The following RPS6KA2 variants were observed in gnomAD, a reference collection of about 807,000 sequenced individuals.
RPS6KA2 encodes the protein ribosomal protein S6 kinase A2.
RPS6KA2 carries 42 observed loss-of-function variants against 91.8 expected under a neutral mutation model. The ratio of observed to expected loss-of-function variants is 0.46; its 90% CI spans 0.36 to 0.59. The LOEUF (loss-of-function observed/expected upper bound fraction) is 0.59. Ranked by LOEUF, RPS6KA2 falls within the 20% of genes least tolerant of loss-of-function variation. The pLI is 0.00. For synonymous variants in RPS6KA2, 414 were observed against 393.6 expected (o/e 1.05, Z -0.61); for missense variants, 798 against 978.5 (o/e 0.82, Z 2.46).
intron 11 of RPS6KA2, among the ~76,000 whole-genome samples, chr6:166,465,154 T>C (rs1256089647): frequency 6.6e-6 from 1 of 152,176 alleles, no homozygotes; most frequent in African/African-American, 2.4e-5. Context: ...GGAAATGTCT[T>C]CTCATTCGTC....
In RPS6KA2 at chr6:166,423,138, G is replaced by A; in HGVS notation, c.1743+118C>T. ...CTCGTTTCTGTTTCCCAACACCACT[G>A]CTGACGCAGCTCAAGCCGCCTCTGA... On this transcript the variant is annotated intron_variant, in intron 17 of 20. Transcript: ENST00000265678. The surrounding 1 kb of genome is among the most constrained non-coding windows in gnomAD (Gnocchi z 4.8). 1 of 1,038,074 alleles carries A rather than the reference G, an allele frequency of 9.6e-7. No individual in the cohort carries two copies. The highest frequency in any genetic ancestry group is 1.4e-6 in the Non-Finnish European group (1 of 725,160). The allele number at this position is 1,038,074 out of a possible 1,614,324, so 64.3% of individuals were successfully genotyped here.
intron 2 of RPS6KA2, among the ~76,000 whole-genome samples, chr6:166,840,844 TC>T (rs1186258573): frequency 4.6e-5 from 7 of 151,852 alleles, no homozygotes; most frequent in African/African-American, 1.7e-4. Flanking sequence ...ATGCCTGTAG[TC>T]CCAGCTACTC....
chr6:166,510,404 T>A (rs770882535), intron 3 of RPS6KA2, 47 bp from the exon 4 acceptor site: 15 of 1,282,228 alleles, frequency 1.2e-5, no homozygotes, highest in Non-Finnish European at 1.5e-5. Context: ...GAAATAAGAG[T>A]TCTGAGGAAC....
chr6:166,723,188 C>T (rs1015736543), intron 2 of RPS6KA2, among the ~76,000 whole-genome samples: 6 of 152,228 alleles, frequency 3.9e-5, no homozygotes, highest in African/African-American at 1.2e-4. Flanking sequence ...GCCCCTGCCT[C>T]GAACGTTTCC....
chr6:166,510,562 TATATATATATATATATATATATATATATA>T (rs1483880124), intron 3 of RPS6KA2, among the ~76,000 whole-genome samples: 1 of 12,614 alleles, frequency 7.9e-5, no homozygotes, highest in Non-Finnish European at 1.8e-4. Flanking sequence ...CTCATATATA[TATATATATATATATATATATATATATATA>T]TATATATATA....
chr6:166,627,014 G>A lies in RPS6KA2; in HGVS notation c.6C>T (p.Asp2=). 1 of 1,509,242 alleles carries A rather than the reference G, an allele frequency of 6.6e-7. No homozygotes were observed. The highest frequency in any genetic ancestry group is 1.4e-5 in the African/African-American group (1 of 69,840). 93.5% of individuals were successfully genotyped at this position (1,509,242 alleles called of 1,614,324 possible). M[D]LSMKKFAVRR... ...GCACGGCGAACTTCTTCATGCTCAG[G>A]TCCATCGCCCCGCGCCCAGCCCGGA... The change falls in exon 1 of 21, where the codon GAC becomes GAT. Residue 2 remains aspartate (D), a synonymous_variant. Transcript: ENST00000265678.
chr6:166,844,002 C>A (rs1393690552), intron 2 of RPS6KA2, among the ~76,000 whole-genome samples: 1 of 150,534 alleles, frequency 6.6e-6, no homozygotes, highest in Non-Finnish European at 1.5e-5. Context: ...TGAACTCCAA[C>A]TTAAAGAAAT....
At position 166,793,224 on chromosome 6, in the gene RPS6KA2, G is replaced by A. The variant is rs1250082694; in HGVS notation, c.123+64976C>T. 3.3e-5 allele frequency among the ~76,000 whole-genome samples: 5 copies of A among 151,652 alleles called. No homozygotes were observed. In the East Asian group the frequency reaches 9.7e-4, roughly 29 times the overall value. On this transcript the variant is annotated intron_variant, in intron 2 of 21. Transcript: ENST00000503859. ...TACACCAATAACAGACAAACAGAGA[G>A]CCAAATCATGAGTGAACTCCCATTC...
intron 1 of RPS6KA2, among the ~76,000 whole-genome samples, chr6:166,570,361 G>A (rs1482433197): frequency 1.3e-5 from 2 of 152,178 alleles, no homozygotes; most frequent in Non-Finnish European, 2.9e-5. Context: ...TGCATGCCCC[G>A]AAGCTGTTTC....
At chr6:166,712,824 C>T (rs764843216) in intron 2 of RPS6KA2, among the ~76,000 whole-genome samples, 4 of 152,194 alleles carry the variant, frequency 2.6e-5, no homozygotes, top group Admixed American at 6.5e-5. Context: ...AGACAGCACC[C>T]GAGGAGCTGC....
intron 2 of RPS6KA2, among the ~76,000 whole-genome samples, chr6:166,829,622 T>A (rs1176749509): frequency 9.6e-5 from 14 of 146,156 alleles, no homozygotes; most frequent in African/African-American, 3.4e-4. Context: ...AAAAAAATTA[T>A]TATATGGTCC....
At chr6:166,738,839 C>G (rs1790737138) in intron 2 of RPS6KA2, among the ~76,000 whole-genome samples, 1 of 152,126 alleles carries the variant, frequency 6.6e-6, no homozygotes, top group Non-Finnish European at 1.5e-5. Context: ...AAGAAAATTT[C>G]CAGAGACATT....
chr6:166,587,352 G>A (rs1785210464), intron 1 of RPS6KA2, among the ~76,000 whole-genome samples: 1 of 152,130 alleles, frequency 6.6e-6, no homozygotes. Flanking sequence ...CAAGAGAAAT[G>A]TACCATCAAA....
intron 2 of RPS6KA2, among the ~76,000 whole-genome samples, chr6:166,814,054 T>C (rs1203687752): frequency 1.3e-5 from 2 of 152,248 alleles, no homozygotes; most frequent in Non-Finnish European, 2.9e-5. Context: ...TTGGTACGCA[T>C]ACATTTTGCA....
intron 11 of RPS6KA2, among the ~76,000 whole-genome samples, chr6:166,467,002 C>T (rs567878077): frequency 6.6e-6 from 1 of 151,006 alleles, no homozygotes; most frequent in South Asian, 2.1e-4. Context: ...TCACTCACTC[C>T]TTTACTCATT....
intron 9 of RPS6KA2, among the ~76,000 whole-genome samples, 168 bp from the exon 10 acceptor site, chr6:166,489,089 C>G (rs1016121456): frequency 2.0e-5 from 3 of 152,112 alleles, no homozygotes; most frequent in Non-Finnish European, 4.4e-5. Flanking sequence ...ACTGAGGACA[C>G]CAAAGAGCTT....
intron 8 of RPS6KA2, among the ~76,000 whole-genome samples, chr6:166,497,578 G>C (rs1781835540): frequency 6.6e-6 from 1 of 152,250 alleles, no homozygotes; most frequent in African/African-American, 2.4e-5. Context: ...CCGGAGCCTG[G>C]AGAGTGCTGC....
chr6:166,681,693 C>CCCCG, intron 2 of RPS6KA2, among the ~76,000 whole-genome samples: 2 of 66,948 alleles, frequency 3.0e-5, no homozygotes, highest in South Asian at 1.6e-3. Context: ...CCTGCCCGCC[C>CCCCG]CCCCCCCCGC....
chr6:166,761,346 C>T (rs1778165685), intron 2 of RPS6KA2, among the ~76,000 whole-genome samples: 1 of 152,190 alleles, frequency 6.6e-6, no homozygotes, highest in Admixed American at 6.5e-5. Context: ...CACCTGGCTG[C>T]CTTTTATTTT....
Sources: gnomAD v4.1 joint callset for allele counts (sites outside exome capture counted in the v4.1 genomes callset) on GRCh38, gnomAD v4.1.1 for gene constraint, Gnocchi (gnomAD v3.1) non-coding constraint, MANE v1.5 for transcripts, NCBI Gene and HGNC (gene_info 2026-07-23, HGNC 2026-07-21) for gene names.